Variants in FOXP3 observed in about 807,000 individuals in gnomAD.
FOXP3 encodes forkhead box protein P3.
FOXP3 carries 5 observed loss-of-function variants against 31.2 expected under a neutral mutation model. The observed-to-expected ratio is 0.16, with a 90% CI of 0.08 to 0.34. The LOEUF (loss-of-function observed/expected upper bound fraction) is 0.34. Ranked by LOEUF, FOXP3 falls within the 10% of genes least tolerant of loss-of-function variation. The pLI, the probability that FOXP3 is intolerant of heterozygous loss-of-function variation, is 1.00. For missense variants in FOXP3, 251 were observed against 363.0 expected (o/e 0.69, Z 2.51); for synonymous variants, 141 against 148.8 (o/e 0.95, Z 0.38).
intron 9 of FOXP3, among the ~76,000 whole-genome samples, 190 bp downstream of exon 9, chrX:49,253,727 G>A (rs1185735872): frequency 8.9e-6 from 1 of 112,085 alleles, no homozygotes; most frequent in Non-Finnish European, 1.9e-5. Flanking sequence ...CATATGGGGG[G>A]CTTTCAGGCC....
Position 49,251,221 on chromosome X carries a change from T to A in FOXP3, c.*113A>T. On this transcript the variant is annotated 3_prime_UTR_variant, in exon 12 of 12. Transcript: ENST00000376207. ...CCTGGCAGGCAAGACAGTGGAAACC[T>A]CACTTCTTGGTCCCTGTGGGCACAT... 1.1e-6 allele frequency: 1 copy of A among 932,378 alleles called. No homozygotes were observed. The allele number at this position is 932,378 out of a possible 1,213,427, so 76.8% of individuals were successfully genotyped here.
chrX:49,250,661 C>CGT lies in FOXP3; in HGVS notation c.*671_*672dup, dbSNP rs2066023581. 3.6e-6 allele frequency: 1 copy of CGT among 281,636 alleles called. No homozygotes were observed. Among genetic ancestry groups the CGT allele is most frequent in the Non-Finnish European group, 6.6e-6 (1 of 151,236 alleles). 23.2% of individuals were successfully genotyped at this position (281,636 alleles called of 1,213,427 possible). On this transcript the variant is annotated 3_prime_UTR_variant, in exon 12 of 12. Transcript: ENST00000376207. ...TCAAGAGACCCACTGGGGGGCTGTG[C>CGT]GTGTGCATATGCGTGAGATACACAG...
At chrX:49,264,530 C>G in intron 1 of FOXP3, 131 bp downstream of exon 1, 1 of 247,204 alleles carries the variant, frequency 4.0e-6, no homozygotes, top group Non-Finnish European at 5.7e-6. Flanking sequence ...AAAGACCTTA[C>G]CTGGCTGGAA....
intron 8 of FOXP3, among the ~76,000 whole-genome samples, chrX:49,254,863 A>G (rs1174992791): frequency 2.7e-5 from 3 of 111,303 alleles, no homozygotes; most frequent in African/African-American, 9.8e-5. Flanking sequence ...GCTGGCACAC[A>G]GCCTGCATCT....
chrX:49,258,256 A>T (rs927714626), intron 2 of FOXP3, 40 bp downstream of exon 2: 1 of 1,079,057 alleles, frequency 9.3e-7, no homozygotes, highest in Admixed American at 2.6e-5. Flanking sequence ...AGGTCCAGGT[A>T]CCCCACCCTG....
chrX:49,256,217 AGAAAGAG>A (rs2066069648), intron 6 of FOXP3, among the ~76,000 whole-genome samples: 2 of 37,103 alleles, frequency 5.4e-5, no homozygotes, highest in Admixed American at 3.3e-4. Flanking sequence ...TGAGAGAGAG[AGAAAGAG>A]AGAGAGAGAG....
intron 2 of FOXP3, 22 bp from the exon 3 acceptor site, chrX:49,257,790 T>C: frequency 9.1e-7 from 1 of 1,101,777 alleles, no homozygotes; most frequent in Non-Finnish European, 1.2e-6. Context: ...GGCAGGTGGG[T>C]GAGAGGCCAT....
intron 8 of FOXP3, among the ~76,000 whole-genome samples, chrX:49,255,104 C>G (rs782618965): frequency 9.0e-6 from 1 of 111,342 alleles, no homozygotes; most frequent in Admixed American, 9.5e-5. Context: ...CCTGCCACCA[C>G]GCCTGGCTAA....
At chrX:49,253,022 G>A (rs1408656499) in intron 10 of FOXP3, 104 bp downstream of exon 10, 1 of 682,738 alleles carries the variant, frequency 1.5e-6, no homozygotes, top group Non-Finnish European at 2.2e-6. Context: ...TGGGAATGGA[G>A]GAACCCACTC....
chrX:49,254,749 G>C (rs888461131), intron 8 of FOXP3, among the ~76,000 whole-genome samples: 1 of 111,409 alleles, frequency 9.0e-6, no homozygotes, highest in African/African-American at 3.3e-5. Context: ...CTTCATGGGC[G>C]TGTGACCTAT....
intron 6 of FOXP3, among the ~76,000 whole-genome samples, chrX:49,256,295 GAGGC>G (rs1454097588): frequency 3.8e-5 from 4 of 105,709 alleles, no homozygotes; most frequent in Admixed American, 2.0e-4. Flanking sequence ...GGACTGAGGG[GAGGC>G]AGCAGCAGCC....
intron 1 of FOXP3, among the ~76,000 whole-genome samples, chrX:49,260,168 G>A (rs903502326): frequency 5.4e-5 from 6 of 111,508 alleles, no homozygotes; most frequent in Non-Finnish European, 7.5e-5. Context: ...GAGAAGGTGA[G>A]TGAATGAATG....
At chrX:49,264,069 A>T (rs897449849) in intron 1 of FOXP3, among the ~76,000 whole-genome samples, 12 of 111,438 alleles carry the variant, frequency 1.1e-4, no homozygotes, top group Admixed American at 1.9e-4. Flanking sequence ...CAGGTGGGGG[A>T]AGGCAAGAAA....
At chrX:49,251,895 G>A in intron 10 of FOXP3, 130 bp from the exon 11 acceptor site, 1 of 1,133,547 alleles carries the variant, frequency 8.8e-7, no homozygotes, top group Non-Finnish European at 1.2e-6. Context: ...AGGACTAGAT[G>A]TGGGGTGAAG....
rs1333534094 is a variant in FOXP3 at position 49,251,080 on chromosome X, G to A, written c.*254C>T. 6 of 422,605 alleles carry A rather than the reference G, an allele frequency of 1.4e-5. No homozygotes were observed. Among genetic ancestry groups the A allele is most frequent in the Non-Finnish European group, 2.1e-5 (5 of 243,108 alleles). 34.8% of individuals were successfully genotyped at this position (422,605 alleles called of 1,213,427 possible). ...TCTGTTTGGCTGCAGGGCTCGACTG[G>A]GGGGTGTGTCTGGGGCGGAGGTGGG... On this transcript the variant is annotated 3_prime_UTR_variant, in exon 12 of 12. Coordinates refer to ENST00000376207, the MANE Select transcript of FOXP3 (RefSeq NM_014009.4).
rs2066076666 is a variant in FOXP3 at position 49,256,838 on chromosome X, G to A, written c.560C>T (p.Pro187Leu). 1 of 1,210,652 alleles carries A rather than the reference G, an allele frequency of 8.3e-7. No individual in the cohort carries two copies. The highest frequency in any genetic ancestry group is 1.7e-5 in the African/African-American group (1 of 57,440). Residue 187 changes from proline (P) to leucine (L), a missense_variant, in exon 6 of 12, where the codon CCC becomes CTC. Coordinates refer to ENST00000376207, the MANE Select transcript of FOXP3 (RefSeq NM_014009.4). ...TGCCAGCAGTGGGTAGGAGCTCTGG[G>A]GCACAGCCGAAAGGGTGCTGGGGGG... ...PRKDSTLSAV[P>L]QSSYPLLANG...
rs1557116170 is a variant in FOXP3 at position 49,255,525 on chromosome X, A to G, written c.736-16T>C. On this transcript the variant is annotated splice_polypyrimidine_tract_variant and intron_variant, in intron 7 of 11. Transcript: ENST00000376207. ...CCAGCACCAGCTGTGAAATGGCACA[A>G]ACATGAGGCCTCAGCCTGGCCCTTC... 8.4e-7 allele frequency: 1 copy of G among 1,185,313 alleles called. No individual in the cohort carries two copies. Among genetic ancestry groups the G allele is most frequent in the African/African-American group, 1.7e-5 (1 of 57,365 alleles).
At chrX:49,253,000 G>T in intron 10 of FOXP3, 126 bp downstream of exon 10, 1 of 563,475 alleles carries the variant, frequency 1.8e-6, no homozygotes, top group South Asian at 2.8e-5. Context: ...GGGGATCCTT[G>T]GGGCTGGGGC....
chrX:49,253,861 G>A (rs2066049786), intron 9 of FOXP3, 56 bp downstream of exon 9: 5 of 1,197,775 alleles, frequency 4.2e-6, no homozygotes, highest in Middle Eastern at 2.3e-4. Flanking sequence ...CCTCCACCCA[G>A]AGCCTGTCAG....
Sources: allele counts gnomAD v4.1 joint callset (sites outside exome capture counted in the v4.1 genomes callset), GRCh38; gene constraint gnomAD v4.1.1; transcripts MANE v1.5; gene names NCBI Gene and HGNC (gene_info 2026-07-23, HGNC 2026-07-21).